The following HCFC1 variants were observed in gnomAD, a reference collection of about 807,000 sequenced individuals.
HCFC1 encodes the protein host cell factor 1.
Under a neutral mutation model 105.5 loss-of-function variants are expected in HCFC1, and 7 were observed. The ratio of observed to expected loss-of-function variants is 0.07; its 90% CI spans 0.04 to 0.12. The LOEUF (loss-of-function observed/expected upper bound fraction) is 0.12. HCFC1 is among the 10% of genes least tolerant of loss of function. The pLI, the probability that HCFC1 is intolerant of heterozygous loss-of-function variation, is 1.00. For synonymous variants in HCFC1, 918 were observed against 828.1 expected (o/e 1.11, Z -1.86); for missense variants, 1,065 against 1,823.6 (o/e 0.58, Z 7.58).
Position 153,959,364 on chromosome X carries a change from C to G in HCFC1, c.1572G>C (p.Arg524=). ...VTVTSLPAGV[R]MVVPTQSAQG... ...GGGCACTCTGTGTTGGCACAACCAT[C>G]CGCACTCCGGCGGGAAGGGAGGTCA... The change falls in exon 9 of 26, where the codon CGG becomes CGC. Residue 524 remains arginine (R), a synonymous_variant. Coordinates refer to ENST00000310441, the MANE Select transcript of HCFC1 (RefSeq NM_005334.3). 8.3e-7 allele frequency: 1 copy of G among 1,211,332 alleles called. No homozygotes were observed. Among genetic ancestry groups the G allele is most frequent in the South Asian group, 1.8e-5 (1 of 56,861 alleles).
Position 153,970,861 on chromosome X carries a change from T to C in HCFC1, c.-21A>G, listed in dbSNP as rs2065525756. 8.0e-6 allele frequency: 9 copies of C among 1,127,424 alleles called. No homozygotes were observed. The highest frequency in any genetic ancestry group is 8.2e-6 in the Non-Finnish European group (7 of 853,054). 92.9% of individuals were successfully genotyped at this position (1,127,424 alleles called of 1,213,427 possible). A position where few individuals can be genotyped will look rare whatever the true frequency, so the allele number is the denominator to read the frequency against. On this transcript the variant is annotated 5_prime_UTR_variant, in exon 1 of 26. Coordinates refer to ENST00000310441, the MANE Select transcript of HCFC1 (RefSeq NM_005334.3). ...GCCATAGTTCCGGGAAAGGGTGCGG[T>C]GGGGAGAAGTCAACAAGCGGGAAGG...
chrX:153,966,230 A>C (rs1156248158), intron 1 of HCFC1, among the ~76,000 whole-genome samples: 1 of 111,394 alleles, frequency 9.0e-6, no homozygotes, highest in African/African-American at 3.3e-5. Flanking sequence ...AACAAACAAA[A>C]AAAACAGAAA....
chrX:153,966,826 C>T (rs140008336), intron 1 of HCFC1, among the ~76,000 whole-genome samples: 1,779 of 112,723 alleles, frequency 0.016, 42 homozygotes, highest in African/African-American at 0.055. Flanking sequence ...AAGCCCACAG[C>T]TATGGGGCTG....
Position 153,960,231 on chromosome X carries a change from C to T in HCFC1, c.1084+4G>A. The T allele has an allele frequency of 8.4e-7, 1 of 1,188,470 alleles. No individual in the cohort carries two copies. The highest frequency in any genetic ancestry group is 1.1e-6 in the Non-Finnish European group (1 of 882,505). ...AGGAGGGGAGTCGGCTGGGCCGGGC[C>T]TACCTGTCTCTAGGTACCAGAGGTC... On this transcript the variant is annotated splice_donor_region_variant and intron_variant, in intron 7 of 25. Transcript: ENST00000310441.
chrX:153,964,156 A>G lies in HCFC1; in HGVS notation c.471T>C (p.Asn157=). The change falls in exon 3 of 26, where the codon AAT becomes AAC. Residue 157 remains asparagine (N), a synonymous_variant. Transcript: ENST00000310441. ...NKCYLFGGLA[N]DSEDPKNNIP... Reference sequence around the variant, plus strand: ...TGTTGTTCTTTGGGTCCTCGCTATCATTGGCCAGACCCCCAAACAGGTAGC... The same window carrying G: ...TGTTGTTCTTTGGGTCCTCGCTATCGTTGGCCAGACCCCCAAACAGGTAGC... 8.3e-7 allele frequency: 1 copy of G among 1,206,977 alleles called. No homozygotes were observed. Among genetic ancestry groups the G allele is most frequent in the Non-Finnish European group, 1.1e-6 (1 of 892,348 alleles).
chrX:153,959,369 C>T lies in HCFC1; in HGVS notation c.1567G>A (p.Val523Met), dbSNP rs782640214. Residue 523 changes from valine (V) to methionine (M), a missense_variant, in exon 9 of 26, where the codon GTG becomes ATG. Val to Met is a conservative substitution (Grantham distance 21, BLOSUM62 1). Transcript: ENST00000310441. ...PVTVTSLPAG[V>M]RMVVPTQSAQ... The stretch of plus-strand genomic sequence containing the variant: ...CTCTGTGTTGGCACAACCATCCGCA[C>T]TCCGGCGGGAAGGGAGGTCACGGTG... 1.7e-6 allele frequency: 2 copies of T among 1,210,676 alleles called. No individual in the cohort carries two copies. The highest frequency in any genetic ancestry group is 3.0e-5 in the East Asian group (1 of 33,764).
chrX:153,951,240 C>A, intron 22 of HCFC1, 110 bp downstream of exon 22: 1 of 918,881 alleles, frequency 1.1e-6, no homozygotes, highest in East Asian at 3.1e-5. Context: ...CCTCAGGCTT[C>A]CTGGCTACTC....
At chrX:153,968,335 C>T (rs1557118923) in intron 1 of HCFC1, among the ~76,000 whole-genome samples, 1 of 112,411 alleles carries the variant, frequency 8.9e-6, no homozygotes, top group African/African-American at 3.2e-5. Flanking sequence ...AGGTACAAGG[C>T]TTTTTGAGGA....
Position 153,955,357 on chromosome X carries a change from G to A in HCFC1, c.3042C>T (p.Ser1014=). The change falls in exon 17 of 26, where the codon TCC becomes TCT. Residue 1014 remains serine (S), a synonymous_variant. Transcript: ENST00000310441. ...TCTCGTGGGTCTCACAGGGTGGGTTGGAGCACACCAAGGTGACAGTGCCAG... is the reference window on the plus strand; with the variant it reads ...TCTCGTGGGTCTCACAGGGTGGGTTAGAGCACACCAAGGTGACAGTGCCAG... ...VQPGTVTLVC[S]NPPCETHETG... 8.3e-7 allele frequency: 1 copy of A among 1,211,390 alleles called. No individual in the cohort carries two copies. Among genetic ancestry groups the A allele is most frequent in the South Asian group, 1.8e-5 (1 of 56,956 alleles).
rs1361182335 is a variant in HCFC1 at position 153,949,453 on chromosome X, G to A, written c.6069-67C>T. The stretch of plus-strand genomic sequence containing the variant: ...CTGCACCACTGGAGGCCCTGCTGGT[G>A]CAGGGCCGGTTAGGGGCCCCCAGTC... On this transcript the variant is annotated intron_variant, in intron 25 of 25. Transcript: ENST00000310441. 5.3e-6 allele frequency: 6 copies of A among 1,131,250 alleles called. No homozygotes were observed. The African/African-American group carries it at 7.3e-5, about 14-fold the overall frequency. 93.2% of individuals were successfully genotyped at this position (1,131,250 alleles called of 1,213,427 possible).
intron 8 of HCFC1, 50 bp downstream of exon 8, chrX:153,959,752 C>T (rs1454219197): frequency 5.3e-6 from 6 of 1,141,709 alleles, no homozygotes; most frequent in Non-Finnish European, 7.0e-6. Flanking sequence ...CGCTGCCTCT[C>T]CCCGGAGGCT....
Position 153,958,556 on chromosome X carries a change from G to A in HCFC1, c.1803+13C>T, listed in dbSNP as rs368179780. Reference sequence around the variant, plus strand: ...TTGTTTGACCACAGTGACAAGCCCCGGAAGACGCTCACCATGACTGGCGAG... The same window carrying A: ...TTGTTTGACCACAGTGACAAGCCCCAGAAGACGCTCACCATGACTGGCGAG... On this transcript the variant is annotated intron_variant, in intron 10 of 25. Coordinates refer to ENST00000310441, the MANE Select transcript of HCFC1 (RefSeq NM_005334.3). 2.1e-5 allele frequency: 25 copies of A among 1,177,631 alleles called. No homozygotes were observed. Among genetic ancestry groups the A allele is most frequent in the African/African-American group, 3.5e-5 (2 of 56,606 alleles).
rs782316614 is a variant in HCFC1, at chrX:153,958,731, G to A, written c.1641C>T (p.Ala547=). Residue 547 remains alanine, a synonymous_variant, in exon 10 of 26, where the codon GCC becomes GCT. Transcript: ENST00000310441. ...TGGCAGCGGCCGCAGCGGCCAGTGC[G>A]GCCATCCCACTCATCTGTGGGCTAC... The part of the protein sequence containing the change: ...IGSSPQMSGM[A]ALAAAAAATQ... 8 of 1,185,797 alleles carry A rather than the reference G, an allele frequency of 6.7e-6. No individual in the cohort carries two copies. Among genetic ancestry groups the A allele is most frequent in the South Asian group, 1.9e-5 (1 of 53,178 alleles).
intron 21 of HCFC1, 39 bp from the exon 22 acceptor site, chrX:153,951,526 G>A (rs1437393445): frequency 2.5e-6 from 3 of 1,207,633 alleles, no homozygotes; most frequent in African/African-American, 3.5e-5. Flanking sequence ...CAGGCCCTCA[G>A]CACCTAGAGG....
rs782570428 is a variant in HCFC1, at chrX:153,954,403, C to T, written c.3996G>A (p.Thr1332=). The part of the protein sequence containing the change: ...CETHETGTTH[T]ATTATSNGGT... ...CCCCGTTTGAAGTAGCGGTGGTGGCCGTGTGGGTGGTGCCCGTCTCGTGGG... is the reference window on the plus strand; with the variant it reads ...CCCCGTTTGAAGTAGCGGTGGTGGCTGTGTGGGTGGTGCCCGTCTCGTGGG... Residue 1332 remains threonine (T), a synonymous_variant, in exon 17 of 26, where the codon ACG becomes ACA. Coordinates refer to ENST00000310441, the MANE Select transcript of HCFC1 (RefSeq NM_005334.3). 5 of 1,210,288 alleles carry T rather than the reference C, an allele frequency of 4.1e-6. No homozygotes were observed. Among genetic ancestry groups the T allele is most frequent in the East Asian group, 5.9e-5 (2 of 33,768 alleles).
At chrX:153,970,536 T>C (rs1415987256) in intron 1 of HCFC1, 112 bp downstream of exon 1, 1 of 366,731 alleles carries the variant, frequency 2.7e-6, no homozygotes, top group African/African-American at 7.5e-5. Flanking sequence ...AGGGAGGAGA[T>C]GGAGGGAGGG....
At chrX:153,953,960 G>T in intron 17 of HCFC1, 106 bp downstream of exon 17, 1 of 999,471 alleles carries the variant, frequency 1.0e-6, no homozygotes, top group Non-Finnish European at 1.4e-6. Flanking sequence ...TGGGTGCCAA[G>T]GAGCCTGACT....
At chrX:153,966,609 C>T (rs1308287788) in intron 1 of HCFC1, among the ~76,000 whole-genome samples, 2 of 112,403 alleles carry the variant, frequency 1.8e-5, no homozygotes, top group African/African-American at 3.2e-5. Flanking sequence ...AGGGTAAACG[C>T]ATAACGAGAC....
chrX:153,956,890 G>C lies in HCFC1; in HGVS notation c.2496+28C>G, dbSNP rs376900860. 1.1e-4 allele frequency: 134 copies of C among 1,208,290 alleles called. 2 individuals carry two copies. In the African/African-American group the frequency reaches 2.0e-3, roughly 18 times the overall value. On this transcript the variant is annotated intron_variant, in intron 14 of 25. Coordinates refer to ENST00000310441, the MANE Select transcript of HCFC1 (RefSeq NM_005334.3). Reference sequence around the variant, plus strand: ...TGGGGTGGACTGCACTAGGACACTGGGCTGAGAGACGGCTGGGAGTGCCTC... The same window carrying C: ...TGGGGTGGACTGCACTAGGACACTGCGCTGAGAGACGGCTGGGAGTGCCTC...
Sources: allele counts gnomAD v4.1 joint callset (sites outside exome capture counted in the v4.1 genomes callset), GRCh38; gene constraint gnomAD v4.1.1; transcripts MANE v1.5; gene names NCBI Gene and HGNC (gene_info 2026-07-23, HGNC 2026-07-21).